The following FANCC variants were observed in gnomAD, a reference collection of about 807,000 sequenced individuals.
The protein encoded by FANCC is Fanconi anemia group C protein.
FANCC carries 55 observed loss-of-function variants against 71.3 expected under a neutral mutation model. The observed-to-expected ratio is 0.77, with a 90% CI of 0.62 to 0.97. The LOEUF is 0.97. FANCC is among the 50% of genes least tolerant of loss of function. The probability of loss-of-function intolerance (pLI) is 0.00; values close to 1 mark genes in which losing one functional copy is unlikely to be tolerated. For synonymous variants in FANCC, 275 were observed against 244.9 expected (o/e 1.12, Z -1.15); for missense variants, 678 against 670.9 (o/e 1.01, Z -0.12).
At chr9:95,304,749 CAAAAAAAAAA>C (rs35105777) in intron 1 of FANCC, among the ~76,000 whole-genome samples, 1 of 44,486 alleles carries the variant, frequency 2.2e-5, no homozygotes, top group Non-Finnish European at 4.4e-5. Flanking sequence ...GACTCTATCT[CAAAAAAAAAA>C]AAAAAAAAAA....
intron 1 of FANCC, among the ~76,000 whole-genome samples, chr9:95,280,904 T>C (rs1833349555): frequency 6.6e-6 from 1 of 151,964 alleles, no homozygotes; most frequent in Non-Finnish European, 1.5e-5. Flanking sequence ...AAAACTACAA[T>C]GAACAAAATA....
chr9:95,123,191 T>A (rs1245927300), intron 10 of FANCC: 1 of 189,122 alleles, frequency 5.3e-6, no homozygotes, highest in Non-Finnish European at 1.1e-5. Flanking sequence ...TGGTCCCAAC[T>A]ACTTGGGAGG....
intron 4 of FANCC, among the ~76,000 whole-genome samples, chr9:95,217,605 T>C (rs1828954642): frequency 6.6e-6 from 1 of 152,144 alleles, no homozygotes; most frequent in African/African-American, 2.4e-5. Flanking sequence ...CAAAATTCAG[T>C]GGATGCACAT....
intron 4 of FANCC, among the ~76,000 whole-genome samples, chr9:95,180,810 T>C (rs1023823886): frequency 6.6e-6 from 1 of 152,154 alleles, no homozygotes; most frequent in Non-Finnish European, 1.5e-5. Context: ...TTTGTTTACC[T>C]AGAATCACCA....
intron 7 of FANCC, among the ~76,000 whole-genome samples, chr9:95,137,321 G>A (rs578043111): frequency 6.6e-6 from 1 of 152,260 alleles, no homozygotes; most frequent in South Asian, 2.1e-4. Context: ...AAGAGCAGCA[G>A]GGAAGAGGCT....
intron 1 of FANCC, among the ~76,000 whole-genome samples, chr9:95,300,998 C>T (rs1834690585): frequency 6.6e-6 from 1 of 151,998 alleles, no homozygotes; most frequent in African/African-American, 2.4e-5. Flanking sequence ...AGAGTGGGCT[C>T]TTTCTATGTA....
intron 1 of FANCC, among the ~76,000 whole-genome samples, chr9:95,264,850 C>A (rs1832293152): frequency 6.6e-6 from 1 of 152,140 alleles, no homozygotes; most frequent in East Asian, 1.9e-4. Flanking sequence ...ATGTTCAATT[C>A]CACTTAAGTT....
At chr9:95,111,945 A>G (rs1020078670) in intron 12 of FANCC, among the ~76,000 whole-genome samples, 1 of 152,212 alleles carries the variant, frequency 6.6e-6, no homozygotes, top group African/African-American at 2.4e-5. Flanking sequence ...CATGACCAAC[A>G]GGAATGTGGC....
intron 4 of FANCC, among the ~76,000 whole-genome samples, chr9:95,222,746 C>T (rs1186753555): frequency 1.3e-5 from 2 of 152,116 alleles, no homozygotes; most frequent in African/African-American, 4.8e-5. Context: ...GAAAAAAGCC[C>T]ACTTATGATT....
intron 13 of FANCC, chr9:95,111,001 G>A: frequency 7.0e-7 from 1 of 1,428,694 alleles, no homozygotes; most frequent in Non-Finnish European, 9.1e-7. Flanking sequence ...AGTAATGTGA[G>A]GATCTGTTGA....
chr9:95,236,825 T>C (rs1426373649), intron 4 of FANCC, among the ~76,000 whole-genome samples: 1 of 152,204 alleles, frequency 6.6e-6, no homozygotes, highest in East Asian at 1.9e-4. Context: ...CATTAAAATA[T>C]GGCTGTTTTA....
intron 1 of FANCC, among the ~76,000 whole-genome samples, chr9:95,306,819 G>A (rs1835096666): frequency 6.6e-6 from 1 of 151,952 alleles, no homozygotes; most frequent in Non-Finnish European, 1.5e-5. Flanking sequence ...TTAATTATGA[G>A]CCAAAGTAAT....
At position 95,249,184 on chromosome 9, in the gene FANCC, A is replaced by G; in HGVS notation, c.108T>C (p.Leu36=). 6.2e-7 allele frequency: 1 copy of G among 1,614,122 alleles called. No individual in the cohort carries two copies. The highest frequency in any genetic ancestry group is 8.5e-7 in the Non-Finnish European group (1 of 1,179,998). ...STLETQQDTC[L]HVAQFQEFLR... ...GGAACTCCTGGAACTGAGCCACGTG[A>G]AGACAGGTGTCTTGCTGGGTTTCCA... The change falls in exon 2 of 15, where the codon CTT becomes CTC. Residue 36 remains leucine, a synonymous_variant. Transcript: ENST00000289081.
chr9:95,293,992 C>G, intron 1 of FANCC: 14 of 1,590,828 alleles, frequency 8.8e-6, no homozygotes, highest in Non-Finnish European at 1.2e-5. Flanking sequence ...TCAGAATGAG[C>G]CTAAGACTTT....
intron 4 of FANCC, among the ~76,000 whole-genome samples, chr9:95,223,304 G>A (rs1385534086): frequency 1.3e-5 from 2 of 152,150 alleles, no homozygotes; most frequent in East Asian, 1.9e-4. Context: ...CTACACTTCT[G>A]GGGCTTCCTG....
intron 4 of FANCC, among the ~76,000 whole-genome samples, chr9:95,175,386 C>T (rs899974741): frequency 1.3e-5 from 2 of 152,086 alleles, no homozygotes; most frequent in Non-Finnish European, 2.9e-5. Flanking sequence ...AAAACAGGAA[C>T]CTTACAGAGT....
intron 4 of FANCC, among the ~76,000 whole-genome samples, chr9:95,211,927 A>C (rs2135879254): frequency 6.6e-6 from 1 of 152,198 alleles, no homozygotes; most frequent in African/African-American, 2.4e-5. Flanking sequence ...ATGAAATAAA[A>C]AATACACAAA....
chr9:95,116,186 T>C (rs935443109), intron 11 of FANCC, among the ~76,000 whole-genome samples: 1 of 152,248 alleles, frequency 6.6e-6, no homozygotes, highest in Non-Finnish European at 1.5e-5. Context: ...CTCCAGTACA[T>C]TTTCTGGAGC....
At chr9:95,271,192 G>A (rs140205670) in intron 1 of FANCC, among the ~76,000 whole-genome samples, 104 of 152,318 alleles carry the variant, frequency 6.8e-4, no homozygotes, top group East Asian at 6.2e-3. Flanking sequence ...GCACAGGACA[G>A]TCTCCCACAA....
Sources: allele counts gnomAD v4.1 joint callset (sites outside exome capture counted in the v4.1 genomes callset), GRCh38; gene constraint gnomAD v4.1.1; transcripts MANE v1.5; gene names NCBI Gene and HGNC (gene_info 2026-07-23, HGNC 2026-07-21).